FRMD6: variants seen among roughly 807,000 people sequenced by gnomAD.
FRMD6 encodes the protein FERM domain containing 6.
A neutral mutation model predicts 73.2 loss-of-function variants in FRMD6; 37 were observed. The ratio of observed to expected loss-of-function variants is 0.51; its 90% CI spans 0.39 to 0.66. The LOEUF (loss-of-function observed/expected upper bound fraction) is 0.66. FRMD6 is among the 30% of genes least tolerant of loss of function. FRMD6 has a pLI of 0.00. For missense variants in FRMD6, 714 were observed against 780.5 expected, an observed-to-expected ratio of 0.91 and a Z score of 1.02; for synonymous variants, 273 against 282.2, an observed-to-expected ratio of 0.97 and a Z score of 0.33.
chr14:51,476,476 T>G, the FRMD6 span, among the ~76,000 whole-genome samples: 2 of 152,184 alleles, frequency 1.3e-5, no homozygotes, highest in African/African-American at 4.8e-5. Flanking sequence ...ACCAGTTTAC[T>G]CTTTATACCT....
At chr14:51,707,952 T>G (rs1212232378) in intron 6 of FRMD6, 126 bp from the exon 7 acceptor site, 1 of 789,820 alleles carries the variant, frequency 1.3e-6, no homozygotes, top group Non-Finnish European at 2.0e-6. Context: ...GAATGAATTT[T>G]CAATGCAAAC....
At chr14:51,540,088 G>A (rs929694353) in intron 1 of FRMD6, among the ~76,000 whole-genome samples, 21 of 152,104 alleles carry the variant, frequency 1.4e-4, no homozygotes, top group African/African-American at 5.1e-4. Flanking sequence ...TAGTTAGAAC[G>A]TGTTTTTTTT....
At chr14:51,583,662 T>A (rs1039819170) in intron 2 of FRMD6, among the ~76,000 whole-genome samples, 4 of 152,206 alleles carry the variant, frequency 2.6e-5, no homozygotes, top group Non-Finnish European at 5.9e-5. Context: ...CAGCAGCTCC[T>A]AAGTAGCAGA....
chr14:51,547,518 G>A (rs12879891), intron 1 of FRMD6, among the ~76,000 whole-genome samples: 85,294 of 151,936 alleles, frequency 0.56, 24,401 homozygotes, highest in African/African-American at 0.65. Context: ...ATAGTGTTCT[G>A]TGATTCATAT....
At position 51,689,918 on chromosome 14, in the gene FRMD6, C is replaced by T. The variant is rs779687980; in HGVS notation, c.82C>T (p.Leu28=). 1 of 1,605,040 alleles carries T rather than the reference C, an allele frequency of 6.2e-7. No homozygotes were observed. The highest frequency in any genetic ancestry group is 1.1e-5 in the South Asian group (1 of 90,948). ...VCIFLPNDES[L]NIIINVKILC... ...CATTTTCCTTCCCAACGATGAATCTCTGAACATCATCATAAATGTGAGTAG... is the reference window on the plus strand; with the variant it reads ...CATTTTCCTTCCCAACGATGAATCTTTGAACATCATCATAAATGTGAGTAG... Residue 28 remains leucine, a synonymous_variant, in exon 2 of 14, where the codon CTG becomes TTG. Transcript: ENST00000344768.
intron 2 of FRMD6, among the ~76,000 whole-genome samples, chr14:51,579,885 C>T (rs1043243128): frequency 2.6e-5 from 4 of 152,194 alleles, no homozygotes; most frequent in Non-Finnish European, 5.9e-5. Context: ...AACAATAAAA[C>T]TGTCTCTTCT....
At chr14:51,520,723 C>T (rs961718608) in intron 1 of FRMD6, among the ~76,000 whole-genome samples, 3 of 152,102 alleles carry the variant, frequency 2.0e-5, no homozygotes, top group African/African-American at 7.2e-5. Flanking sequence ...CATGGCAAAA[C>T]TCCATTTCTA....
At chr14:51,510,518 T>C (rs763003614) in intron 1 of FRMD6, among the ~76,000 whole-genome samples, 22 of 152,210 alleles carry the variant, frequency 1.4e-4, no homozygotes, top group Non-Finnish European at 2.6e-4. Context: ...TTACTACAGA[T>C]TTTTGTTCTA....
chr14:51,705,762 G>A (rs1896589711), intron 6 of FRMD6, among the ~76,000 whole-genome samples: 1 of 152,032 alleles, frequency 6.6e-6, no homozygotes, highest in African/African-American at 2.4e-5. Flanking sequence ...GGTGCTGCCT[G>A]TTAGGTTGCT....
At chr14:51,567,473 A>C (rs1207334569) in intron 1 of FRMD6, among the ~76,000 whole-genome samples, 1 of 152,186 alleles carries the variant, frequency 6.6e-6, no homozygotes, top group African/African-American at 2.4e-5. Flanking sequence ...CAGTCTCCTT[A>C]GTAGCTAGGA....
chr14:51,575,511 G>T (rs7151351), intron 2 of FRMD6: 1 of 152,180 alleles, frequency 6.6e-6, no homozygotes, highest in Admixed American at 6.5e-5. Context: ...GGTAAGGGCC[G>T]TTAGAAAGTG....
the FRMD6 span, chr14:51,436,995 T>A: frequency 7.0e-3 from 5,380 of 769,188 alleles, 118 homozygotes; most frequent in Admixed American, 0.048. Flanking sequence ...CCTTCTTTTT[T>A]AAATTATTAT....
Position 51,720,011 on chromosome 14 carries a change from G to A in FRMD6, c.1025-44G>A, listed in dbSNP as rs150501606. The A allele has an allele frequency of 4.6e-4, 689 of 1,492,444 alleles. 2 individuals are homozygous for A. In the African/African-American group the frequency reaches 7.6e-3, roughly 16 times the overall value. 92.5% of individuals were successfully genotyped at this position (1,492,444 alleles called of 1,614,324 possible). On this transcript the variant is annotated intron_variant, in intron 10 of 13. Coordinates refer to ENST00000344768, the MANE Select transcript of FRMD6 (RefSeq NM_001267046.2). The stretch of plus-strand genomic sequence containing the variant: ...GATGAGTCACTTAAGCTCACCAGCC[G>A]TTCCTTCTGTCTTGGTTAATGAACT...
At chr14:51,472,918 C>T in the FRMD6 span, among the ~76,000 whole-genome samples, 4 of 152,318 alleles carry the variant, frequency 2.6e-5, no homozygotes, top group South Asian at 2.1e-4. Flanking sequence ...GTGTATCCTT[C>T]CTTAGGAGAA....
chr14:51,493,245 T>G, intron 1 of FRMD6, among the ~76,000 whole-genome samples: 1 of 152,218 alleles, frequency 6.6e-6, no homozygotes, highest in East Asian at 1.9e-4. Flanking sequence ...GCAATATGTG[T>G]TTACTACTTT....
chr14:51,469,595 A>C, the FRMD6 span, among the ~76,000 whole-genome samples: 1 of 147,264 alleles, frequency 6.8e-6, no homozygotes, highest in Non-Finnish European at 1.5e-5. Context: ...CCTGGGCGAC[A>C]GAGCGAGACT....
chr14:51,513,977 T>G (rs1480270669), intron 1 of FRMD6, among the ~76,000 whole-genome samples: 2 of 152,248 alleles, frequency 1.3e-5, no homozygotes, highest in African/African-American at 4.8e-5. Context: ...TAACGTTATT[T>G]GTGAACATGA....
At chr14:51,538,996 A>G (rs529993459) in intron 1 of FRMD6, among the ~76,000 whole-genome samples, 1 of 152,090 alleles carries the variant, frequency 6.6e-6, no homozygotes, top group Non-Finnish European at 1.5e-5. Flanking sequence ...CTAGAAATAC[A>G]ATGGACTTTT....
At chr14:51,694,284 T>G (rs1895799038) in intron 2 of FRMD6, among the ~76,000 whole-genome samples, 1 of 152,202 alleles carries the variant, frequency 6.6e-6, no homozygotes. Flanking sequence ...GGCCACGAGC[T>G]TATATGTCTT....
Sources: allele counts gnomAD v4.1 joint callset (sites outside exome capture counted in the v4.1 genomes callset), GRCh38; gene constraint gnomAD v4.1.1; transcripts MANE v1.5; gene names NCBI Gene and HGNC (gene_info 2026-07-23, HGNC 2026-07-21).